PDE7B: variants seen among roughly 807,000 people sequenced by gnomAD.
PDE7B encodes phosphodiesterase 7B.
PDE7B carries 29 observed loss-of-function variants against 56.2 expected under a neutral mutation model. The observed-to-expected ratio is 0.52, with a 90% CI of 0.38 to 0.70. PDE7B has a LOEUF of 0.70. Among genes scored for constraint, PDE7B ranks in the 30% least tolerant of loss-of-function variants. PDE7B has a pLI of 0.00. For missense variants in PDE7B, 490 were observed against 565.0 expected, an observed-to-expected ratio of 0.87 and a Z score of 1.35; for synonymous variants, 197 against 196.9, an observed-to-expected ratio of 1.00 and a Z score of 0.00.
At chr6:136,065,158 C>T (rs2128213128) in intron 2 of PDE7B, among the ~76,000 whole-genome samples, 1 of 152,104 alleles carries the variant, frequency 6.6e-6, no homozygotes, top group East Asian at 1.9e-4. Context: ...TACTACAGCT[C>T]GTATTTCTCA....
chr6:136,053,590 G>T (rs187099359), intron 2 of PDE7B, among the ~76,000 whole-genome samples: 1,643 of 152,092 alleles, frequency 0.011, 27 homozygotes, highest in African/African-American at 0.038. Context: ...GGGATGTCTG[G>T]GTCAAATGGT....
chr6:135,990,328 T>G (rs1410270111), intron 2 of PDE7B, among the ~76,000 whole-genome samples: 1 of 152,142 alleles, frequency 6.6e-6, no homozygotes, highest in Non-Finnish European at 1.5e-5. Flanking sequence ...ACTCCTGACT[T>G]TGGGTGATCT....
chr6:135,872,138 G>C (rs1008657588), intron 1 of PDE7B, among the ~76,000 whole-genome samples: 1 of 152,166 alleles, frequency 6.6e-6, no homozygotes, highest in African/African-American at 2.4e-5. Context: ...CTTTTTAAAG[G>C]CTTGGTGCTT....
chr6:136,151,863 C>T (rs956808604), intron 6 of PDE7B, among the ~76,000 whole-genome samples: 2 of 151,958 alleles, frequency 1.3e-5, no homozygotes, highest in African/African-American at 4.8e-5. Context: ...TCACTTGAAC[C>T]CGGGAGGTGG....
chr6:136,138,484 T>A (rs538402138), intron 3 of PDE7B, among the ~76,000 whole-genome samples: 2 of 152,292 alleles, frequency 1.3e-5, no homozygotes, highest in South Asian at 4.1e-4. Context: ...TAACACTCGA[T>A]AAGTTATTAA....
chr6:135,943,882 T>C (rs1774548632), intron 1 of PDE7B, among the ~76,000 whole-genome samples: 1 of 152,180 alleles, frequency 6.6e-6, no homozygotes, highest in African/African-American at 2.4e-5. Context: ...TCCTCTGTGC[T>C]GTGGAAGGAG....
intron 2 of PDE7B, among the ~76,000 whole-genome samples, chr6:136,030,936 G>C (rs1349331608): frequency 1.3e-5 from 2 of 152,218 alleles, no homozygotes; most frequent in African/African-American, 2.4e-5. Flanking sequence ...TTTATTGCAT[G>C]GGCTTATAGT....
chr6:136,147,465 T>G lies in PDE7B; in HGVS notation c.281T>G (p.Leu94Arg), dbSNP rs780868387. The change falls in exon 4 of 13, where the codon CTG (leucine) becomes CGG (arginine). Residue 94 changes from leucine (L) to arginine (R), a missense_variant. Transcript: ENST00000308191. ...CGTGGAATTATACCACAAGCCCCTC[T>G]GCACCTGCTGGATGAAGACTACCTT... Reference protein sequence around the residue: ...LLRGIIPQAPLHLLDEDYLGQ... With the variant: ...LLRGIIPQAPRHLLDEDYLGQ... 6.2e-7 allele frequency: 1 copy of G among 1,614,018 alleles called. No homozygotes were observed. Among genetic ancestry groups the G allele is most frequent in the South Asian group, 1.1e-5 (1 of 91,080 alleles).
At chr6:136,130,576 C>T (rs530560725) in intron 3 of PDE7B, among the ~76,000 whole-genome samples, 1 of 152,268 alleles carries the variant, frequency 6.6e-6, no homozygotes, top group South Asian at 2.1e-4. Context: ...CACTTTTATA[C>T]TAAAACCTTC....
At chr6:135,906,734 G>T (rs1202441678) in intron 1 of PDE7B, among the ~76,000 whole-genome samples, 1 of 145,114 alleles carries the variant, frequency 6.9e-6, no homozygotes, top group Non-Finnish European at 1.5e-5. Context: ...GTGTCCTGAT[G>T]TAATGACTCA....
intron 2 of PDE7B, among the ~76,000 whole-genome samples, chr6:136,022,564 T>C (rs1776089829): frequency 6.6e-6 from 1 of 152,212 alleles, no homozygotes; most frequent in South Asian, 2.1e-4. Flanking sequence ...TAATGTGTAG[T>C]AACCTTTTGC....
chr6:135,883,547 G>A (rs1463608461), intron 1 of PDE7B, among the ~76,000 whole-genome samples: 4 of 152,114 alleles, frequency 2.6e-5, no homozygotes, highest in East Asian at 1.9e-4. Flanking sequence ...TGCAATAGAC[G>A]GTGCTTTAGT....
chr6:136,178,991 A>C lies in PDE7B; in HGVS notation c.804-6A>C. The C allele has an allele frequency of 6.2e-7, 1 of 1,614,062 alleles. No individual in the cohort carries two copies. The highest frequency in any genetic ancestry group is 8.5e-7 in the Non-Finnish European group (1 of 1,179,938). ...GTGTTTTTCTCTTTCATTCTTGTGGATGCAGACAGGATATTGAACAGCAGC... is the reference window on the plus strand; with the variant it reads ...GTGTTTTTCTCTTTCATTCTTGTGGCTGCAGACAGGATATTGAACAGCAGC... On this transcript the variant is annotated splice_region_variant and splice_polypyrimidine_tract_variant and intron_variant, in intron 9 of 12. Transcript: ENST00000308191.
chr6:136,145,517 C>T (rs897750375), intron 3 of PDE7B, among the ~76,000 whole-genome samples: 3 of 152,264 alleles, frequency 2.0e-5, no homozygotes, highest in Non-Finnish European at 2.9e-5. Flanking sequence ...TAGAAGTGCT[C>T]GTTGCTACTT....
At chr6:136,074,955 T>G (rs1205259572) in intron 2 of PDE7B, among the ~76,000 whole-genome samples, 1 of 152,210 alleles carries the variant, frequency 6.6e-6, no homozygotes, top group Non-Finnish European at 1.5e-5. Flanking sequence ...GAAGTGAAAT[T>G]TCTGCATCAT....
chr6:135,944,520 A>G (rs1774559608), intron 1 of PDE7B, among the ~76,000 whole-genome samples: 1 of 152,302 alleles, frequency 6.6e-6, no homozygotes. Context: ...AAGGCGCCTC[A>G]GCAATTTCCC....
At chr6:136,143,958 G>T (rs564735512) in intron 3 of PDE7B, among the ~76,000 whole-genome samples, 1 of 151,856 alleles carries the variant, frequency 6.6e-6, no homozygotes, top group South Asian at 2.1e-4. Flanking sequence ...ATAAATATAG[G>T]TATACTCTCA....
At chr6:135,952,319 A>T (rs1234715484) in intron 2 of PDE7B, among the ~76,000 whole-genome samples, 3 of 152,214 alleles carry the variant, frequency 2.0e-5, no homozygotes, top group Non-Finnish European at 2.9e-5. Flanking sequence ...AAGCTAAAAC[A>T]TATGAATATA....
intron 1 of PDE7B, among the ~76,000 whole-genome samples, chr6:135,881,021 T>A (rs151031127): frequency 0.012 from 1,759 of 152,232 alleles, 23 homozygotes; most frequent in South Asian, 0.048. Context: ...TTCGCACATT[T>A]CTCTCAGTCA....
Sources: allele counts gnomAD v4.1 joint callset (sites outside exome capture counted in the v4.1 genomes callset), GRCh38; gene constraint gnomAD v4.1.1; transcripts MANE v1.5; gene names NCBI Gene and HGNC (gene_info 2026-07-23, HGNC 2026-07-21).